Variants in DOCK7 observed in about 807,000 individuals in gnomAD.
DOCK7 encodes dedicator of cytokinesis 7.
In DOCK7, 138 loss-of-function variants were observed where a neutral mutation model predicts 271.0. That is an observed-to-expected ratio of 0.51 (90% CI 0.44 to 0.59). DOCK7 has a LOEUF of 0.59. DOCK7 is among the 20% of genes least tolerant of loss of function. The probability of loss-of-function intolerance (pLI) is 0.00; values close to 1 mark genes in which losing one functional copy is unlikely to be tolerated. For synonymous variants in DOCK7, 823 were observed against 876.1 expected (o/e 0.94, Z 1.07); for missense variants, 2,066 against 2,592.4 (o/e 0.80, Z 4.41).
chr1:62,545,141 T>G (rs1011668822), intron 22 of DOCK7, 102 bp from the exon 23 acceptor site: 1 of 1,148,936 alleles, frequency 8.7e-7, no homozygotes, highest in Middle Eastern at 2.0e-4. Context: ...GCAAACATGT[T>G]TTTAATTAGT....
intron 40 of DOCK7, among the ~76,000 whole-genome samples, chr1:62,493,231 G>A (rs577924969): frequency 1.9e-4 from 29 of 152,192 alleles, no homozygotes; most frequent in African/African-American, 7.0e-4. Flanking sequence ...CTTATCTAAT[G>A]TACACGGAGT....
chr1:62,561,614 C>A lies in DOCK7; in HGVS notation c.2199+3G>T. The A allele has an allele frequency of 6.6e-7, 1 of 1,514,236 alleles. No individual in the cohort carries two copies. The highest frequency in any genetic ancestry group is 1.4e-5 in the South Asian group (1 of 72,568). 93.8% of individuals were successfully genotyped at this position (1,514,236 alleles called of 1,614,324 possible). ...TTTGATAATAAAAATTATTAAAACT[C>A]ACTTGTGTATGGATAGACGAAACAG... is the stretch of plus-strand genomic sequence containing the variant. On this transcript the variant is annotated splice_donor_region_variant and intron_variant, in intron 19 of 49. Transcript: ENST00000635253.
At chr1:62,552,447 A>T (rs1239958328) in intron 22 of DOCK7, among the ~76,000 whole-genome samples, 1 of 152,216 alleles carries the variant, frequency 6.6e-6, no homozygotes, top group East Asian at 1.9e-4. Context: ...TATGAAATCA[A>T]TCTAGCCATT....
At chr1:62,605,818 T>C (rs978025970) in intron 14 of DOCK7, 3 of 152,096 alleles carry the variant, frequency 2.0e-5, no homozygotes, top group African/African-American at 7.2e-5. Flanking sequence ...TGCATGTTTA[T>C]CGACATCACA....
intron 1 of DOCK7, among the ~76,000 whole-genome samples, chr1:62,668,825 T>C (rs994384466): frequency 6.7e-6 from 1 of 150,254 alleles, no homozygotes; most frequent in Admixed American, 6.7e-5. Flanking sequence ...CTTGGGAGGC[T>C]GAAGCAGGAG....
chr1:62,631,372 C>T lies in DOCK7; in HGVS notation c.1150G>A (p.Ala384Thr), dbSNP rs1406358253. Residue 384 changes from alanine (A) to threonine (T), a missense_variant, in exon 11 of 50, where the codon GCA (alanine) becomes ACA (threonine). Ala to Thr is a moderately conservative substitution (Grantham distance 58). Around this residue, in one of 2 missense-constraint regions of DOCK7, gnomAD observed 1,414 missense variants for 1,670.4 expected, o/e 0.85. Transcript: ENST00000635253. ...KEKLEKLKSQ[A>T]DQFCQRLGKY... is the part of the protein sequence containing the mutation. ...CCAAGTCTTTGGCAAAACTGATCTG[C>T]TTGACTCTTCAGTTTCTCCAGTTTT... The T allele has an allele frequency of 6.2e-7, 1 of 1,607,574 alleles. No homozygotes were observed. The highest frequency in any genetic ancestry group is 8.5e-7 in the Non-Finnish European group (1 of 1,178,306).
At chr1:62,506,471 CT>C (rs11311703) in intron 35 of DOCK7, among the ~76,000 whole-genome samples, 85,504 of 147,792 alleles carry the variant, frequency 0.58, 25,929 homozygotes, top group East Asian at 0.75. Flanking sequence ...CTGATAAAAT[CT>C]TTTTTTTTTT....
At chr1:62,651,449 T>TAAAA (rs71045850) in intron 4 of DOCK7, among the ~76,000 whole-genome samples, 2 of 130,144 alleles carry the variant, frequency 1.5e-5, no homozygotes, top group African/African-American at 2.9e-5. Context: ...TAAAGTATAA[T>TAAAA]AAAAAAAAAA....
chr1:62,685,074 C>T (rs545231445), intron 1 of DOCK7, among the ~76,000 whole-genome samples: 4 of 152,170 alleles, frequency 2.6e-5, no homozygotes, highest in Non-Finnish European at 5.9e-5. Context: ...CAACAAAAGC[C>T]TCAAACCACA....
chr1:62,506,846 C>T (rs1303400787), intron 35 of DOCK7, among the ~76,000 whole-genome samples: 1 of 150,578 alleles, frequency 6.6e-6, no homozygotes, highest in African/African-American at 2.4e-5. Flanking sequence ...ACTTGGGAGG[C>T]TGAGGCAGGA....
chr1:62,610,984 G>A lies in DOCK7; in HGVS notation c.1682+7722C>T, dbSNP rs1651711682. The stretch of plus-strand genomic sequence containing the variant: ...CCTTTGAATATATACCCAATAATGG[G>A]ATTACTGGGTCAAATGGTATTTCTA... On this transcript the variant is annotated intron_variant, in intron 14 of 49. Transcript: ENST00000635253. Among the ~76,000 whole-genome samples, 5 of 152,300 alleles carry A rather than the reference G, an allele frequency of 3.3e-5. No homozygotes were observed. The South Asian group carries it at 1.0e-3, about 32-fold the overall frequency.
At chr1:62,662,242 TAATA>T (rs1444502325) in intron 2 of DOCK7, among the ~76,000 whole-genome samples, 1 of 152,190 alleles carries the variant, frequency 6.6e-6, no homozygotes, top group South Asian at 2.1e-4. Flanking sequence ...ATTTCTAATA[TAATA>T]AATATTAGTT....
chr1:62,561,212 T>A (rs532802509), intron 19 of DOCK7, among the ~76,000 whole-genome samples: 18 of 152,256 alleles, frequency 1.2e-4, no homozygotes, highest in African/African-American at 4.3e-4. Context: ...AGAGGATGTA[T>A]AAAACCTATC....
intron 18 of DOCK7, among the ~76,000 whole-genome samples, chr1:62,569,575 A>C (rs910360329): frequency 6.6e-6 from 1 of 152,186 alleles, no homozygotes; most frequent in Non-Finnish European, 1.5e-5. Flanking sequence ...TAGGTATTGA[A>C]GGAACATACC....
At chr1:62,625,222 A>C (rs377132058) in intron 12 of DOCK7, 37 bp downstream of exon 12, 155 of 1,605,710 alleles carry the variant, frequency 9.7e-5, no homozygotes, top group Non-Finnish European at 1.2e-4. Context: ...TTTATGCACA[A>C]ACATCTCCCC....
chr1:62,523,473 G>A (rs542045606), intron 31 of DOCK7, among the ~76,000 whole-genome samples: 127 of 152,040 alleles, frequency 8.4e-4, no homozygotes, highest in Non-Finnish European at 1.6e-3. Context: ...AAAAAATTTC[G>A]AATGTAACAC....
intron 18 of DOCK7, among the ~76,000 whole-genome samples, chr1:62,567,024 G>T (rs573256308): frequency 6.6e-6 from 1 of 152,054 alleles, no homozygotes; most frequent in African/African-American, 2.4e-5. Flanking sequence ...TTAGAATGGC[G>T]ATCATTAAAA....
At chr1:62,615,020 T>TA (rs144464739) in intron 14 of DOCK7, among the ~76,000 whole-genome samples, 3,711 of 151,956 alleles carry the variant, frequency 0.024, 155 homozygotes, top group African/African-American at 0.084. Context: ...CTGTAATTCC[T>TA]AAAAATGAAA....
intron 29 of DOCK7, among the ~76,000 whole-genome samples, chr1:62,532,407 T>C (rs994474950): frequency 1.3e-5 from 2 of 151,792 alleles, no homozygotes; most frequent in Admixed American, 6.6e-5. Context: ...GGTGTGATCA[T>C]TGCAGCCTTG....
Sources: allele counts gnomAD v4.1 joint callset (sites outside exome capture counted in the v4.1 genomes callset), GRCh38; gene constraint gnomAD v4.1.1; regional missense constraint gnomAD v4.1.1; transcripts MANE v1.5; gene names NCBI Gene and HGNC (gene_info 2026-07-23, HGNC 2026-07-21).